The following TMEM94 variants were observed in gnomAD, a reference collection of about 807,000 sequenced individuals.
TMEM94 encodes ER Mg2+ ATPase.
A neutral mutation model predicts 158.6 loss-of-function variants in TMEM94; 81 were observed. The ratio of observed to expected loss-of-function variants is 0.51; its 90% CI spans 0.43 to 0.61. The LOEUF is 0.61. TMEM94 is among the 20% of genes least tolerant of loss of function. The pLI is 0.00. For missense variants in TMEM94, 1,435 were observed against 1,762.0 expected (o/e 0.81, Z 3.32); for synonymous variants, 751 against 730.7 (o/e 1.03, Z -0.45).
intron 2 of TMEM94, among the ~76,000 whole-genome samples, chr17:75,474,850 G>T (rs940819338): frequency 1.3e-5 from 2 of 152,026 alleles, no homozygotes; most frequent in Non-Finnish European, 2.9e-5. Context: ...CCCTGTCCCC[G>T]GTCCTCCAGC....
At chr17:75,488,336 G>A (rs2051810238) in intron 6 of TMEM94, among the ~76,000 whole-genome samples, 1 of 152,182 alleles carries the variant, frequency 6.6e-6, no homozygotes, top group Non-Finnish European at 1.5e-5. Context: ...GAGTGCAGTG[G>A]CACGATCTCA....
Position 75,492,974 on chromosome 17 carries a change from T to A in TMEM94, c.1958T>A (p.Leu653Gln), listed in dbSNP as rs757337831. 1.9e-6 allele frequency: 3 copies of A among 1,613,772 alleles called. No individual in the cohort carries two copies. In the South Asian group the frequency reaches 3.3e-5, roughly 18 times the overall value. The change falls in exon 16 of 32, where the codon CTG becomes CAG. Residue 653 changes from leucine to glutamine, a missense_variant. This residue lies in a region of TMEM94 where 1,051 missense variants were observed against 1,254.4 expected (regional missense o/e 0.84). Coordinates refer to ENST00000314256, the MANE Select transcript of TMEM94 (RefSeq NM_014738.6). This position sits in a 1 kb window ranked among gnomAD's most constrained non-coding sequence, Gnocchi z 4.4. Reference protein sequence around the residue: ...AKELFKQENHLALYRLPSAET... With the variant: ...AKELFKQENHQALYRLPSAET... ...GAGCTTTTCAAGCAGGAGAACCATC[T>A]GGCGCTGTACCGCCTCCCCAGTGCC...
chr17:75,465,679 A>ATATATATATATATATATATATATTTTTT (rs1247855961), intron 1 of TMEM94, among the ~76,000 whole-genome samples: 1 of 124,824 alleles, frequency 8.0e-6, no homozygotes, highest in Non-Finnish European at 1.6e-5. Flanking sequence ...ATATATATAT[A>ATATATATATATATATATATATATTTTTT]TTTTTTTTTA....
rs2053004538 is a variant in TMEM94 at position 75,498,772 on chromosome 17, C to G, written c.3827+50C>G. 1 of 1,531,704 alleles carries G rather than the reference C, an allele frequency of 6.5e-7. No homozygotes were observed. The highest frequency in any genetic ancestry group is 8.8e-7 in the Non-Finnish European group (1 of 1,138,054). 94.9% of individuals were successfully genotyped at this position (1,531,704 alleles called of 1,614,324 possible). On this transcript the variant is annotated intron_variant, in intron 30 of 31. Transcript: ENST00000314256. The surrounding 1 kb of genome is among the most constrained non-coding windows in gnomAD (Gnocchi z 6.7). ...GGAGTGTGGGCTGGGGAGGAGAGGG[C>G]CTTCTGCAGGGCTAGGATCGGAGGG...
chr17:75,476,544 T>C, intron 2 of TMEM94: 4 of 1,452,594 alleles, frequency 2.8e-6, no homozygotes, highest in Admixed American at 5.0e-5. Flanking sequence ...CCTGATTCTG[T>C]GCAGCACCCG....
chr17:75,499,825 G>A lies in TMEM94; in HGVS notation c.*491G>A, dbSNP rs772364029. On this transcript the variant is annotated 3_prime_UTR_variant, in exon 32 of 32. Coordinates refer to ENST00000314256, the MANE Select transcript of TMEM94 (RefSeq NM_014738.6). ...GTGGTGCTTGCCTGGATGTGGCCCC[G>A]AGTGCCTCCCCTCCCTCCCTCTGTG... The A allele has an allele frequency of 6.1e-4, 96 of 158,054 alleles. 1 individual carries two copies. Among genetic ancestry groups the A allele is most frequent in the Non-Finnish European group, 1.2e-3 (83 of 71,152 alleles). 9.8% of individuals were successfully genotyped at this position (158,054 alleles called of 1,614,324 possible).
intron 1 of TMEM94, among the ~76,000 whole-genome samples, chr17:75,459,171 G>A (rs1375505120): frequency 6.6e-6 from 1 of 152,004 alleles, no homozygotes; most frequent in Non-Finnish European, 1.5e-5. Context: ...AGTCTTAGCT[G>A]CTATGTTAGC....
Position 75,493,512 on chromosome 17 carries a change from A to T in TMEM94, c.2108A>T (p.His703Leu). 6.2e-7 allele frequency: 1 copy of T among 1,613,986 alleles called. No homozygotes were observed. The highest frequency in any genetic ancestry group is 8.5e-7 in the Non-Finnish European group (1 of 1,180,004). The part of the protein sequence containing the change: ...TTTSTEQMLS[H>L]GTADVVLEAC... ...CCAGGCACAGAGCAGATGCTGTCCC[A>T]TGGCACCGCTGATGTGGTCTTAGAG... The change falls in exon 17 of 32, where the codon CAT becomes CTT. Residue 703 changes from histidine to leucine, a missense_variant. Transcript: ENST00000314256.
intron 27 of TMEM94, 64 bp downstream of exon 27, chr17:75,497,926 G>A: frequency 6.8e-7 from 1 of 1,469,230 alleles, no homozygotes; most frequent in Non-Finnish European, 9.5e-7. Flanking sequence ...ATTGGGGGAG[G>A]AGAGAGGGGC....
At chr17:75,467,548 C>T (rs1377602321) in intron 1 of TMEM94, among the ~76,000 whole-genome samples, 7 of 110,866 alleles carry the variant, frequency 6.3e-5, no homozygotes, top group South Asian at 3.0e-4. Flanking sequence ...TTTTTTGAGA[C>T]GGAGTCTCGC....
In TMEM94 at chr17:75,491,847, T is replaced by A; in HGVS notation, c.1543T>A (p.Ser515Thr). The A allele has an allele frequency of 6.2e-7, 1 of 1,613,856 alleles. No homozygotes were observed. The highest frequency in any genetic ancestry group is 8.5e-7 in the Non-Finnish European group (1 of 1,179,960). Residue 515 changes from serine to threonine, a missense_variant, in exon 14 of 32, where the codon TCC (serine) becomes ACC (threonine). Physicochemically the swap from Ser to Thr is moderately conservative, Grantham distance 58 (BLOSUM62 1). Around this residue, in one of 3 missense-constraint regions of TMEM94, gnomAD observed 1,051 missense variants for 1,254.4 expected, o/e 0.84. Coordinates refer to ENST00000314256, the MANE Select transcript of TMEM94 (RefSeq NM_014738.6). This position sits in a 1 kb window ranked among gnomAD's most constrained non-coding sequence, Gnocchi z 5.1. ...AHGRSKHPSGSNVSFSRDTEG... is the reference protein window; with the variant it reads ...AHGRSKHPSGTNVSFSRDTEG... ...TGGCCGCAGCAAACACCCATCTGGC[T>A]CCAACGTGAGCTTCAGCAGGGACAC...
intron 18 of TMEM94, among the ~76,000 whole-genome samples, chr17:75,494,287 A>G (rs1230833208): frequency 2.6e-5 from 4 of 152,144 alleles, no homozygotes; most frequent in Non-Finnish European, 4.4e-5. Flanking sequence ...CAGAAGCTCC[A>G]CCACGCCACC....
chr17:75,482,524 A>ATATGTATGTATG (rs57220539), intron 2 of TMEM94, among the ~76,000 whole-genome samples: 3 of 145,092 alleles, frequency 2.1e-5, no homozygotes, highest in Non-Finnish European at 4.5e-5. Context: ...AAATATATAT[A>ATATGTATGTATG]TATGTATGTA....
chr17:75,488,224 T>C (rs2051795709), intron 6 of TMEM94, 90 bp downstream of exon 6: 2 of 1,295,508 alleles, frequency 1.5e-6, no homozygotes, highest in Admixed American at 1.8e-5. Flanking sequence ...TCCGGAAGCT[T>C]CCCGGCCAGC....
Position 75,481,874 on chromosome 17 carries a change from T to G in TMEM94, c.25-3554T>G, listed in dbSNP as rs905044997. On this transcript the variant is annotated intron_variant, in intron 2 of 31. Coordinates refer to ENST00000314256, the MANE Select transcript of TMEM94 (RefSeq NM_014738.6). Reference sequence around the variant, plus strand: ...CGCAGGTGGTCCTGGAAAGACTCACTTCTCCTTCAGGCGCTGCCTTTCATG... The same window carrying G: ...CGCAGGTGGTCCTGGAAAGACTCACGTCTCCTTCAGGCGCTGCCTTTCATG... 2.0e-5 allele frequency among the ~76,000 whole-genome samples: 3 copies of G among 152,334 alleles called. No individual in the cohort carries two copies. The East Asian group carries it at 5.8e-4, about 29-fold the overall frequency.
chr17:75,500,384 G>A lies in TMEM94; in HGVS notation c.*1050G>A, dbSNP rs1184436449. 1 of 152,514 alleles carries A rather than the reference G, an allele frequency of 6.6e-6. No homozygotes were observed. The highest frequency in any genetic ancestry group is 1.5e-5 in the Non-Finnish European group (1 of 68,268). The allele number at this position is 152,514 out of a possible 1,614,324, so 9.4% of individuals were successfully genotyped here. A position where few individuals can be genotyped will look rare whatever the true frequency, so the allele number is the denominator to read the frequency against. ...CAGGTGGGCAGTCGGGGCTCCTGCT[G>A]TGGTCCGAAGCCCCTCCCCCATTGT... On this transcript the variant is annotated 3_prime_UTR_variant, in exon 32 of 32. Transcript: ENST00000314256.
chr17:75,481,692 A>C (rs1567930963), intron 2 of TMEM94, among the ~76,000 whole-genome samples: 1 of 152,174 alleles, frequency 6.6e-6, no homozygotes, highest in Non-Finnish European at 1.5e-5. Flanking sequence ...GAGGGTGGGG[A>C]GAGCAGTGAG....
Position 75,495,631 on chromosome 17 carries a change from T to C in TMEM94, c.2932T>C (p.Cys978Arg), listed in dbSNP as rs1598431221. ...CCTGCTAGTGCCCCTTTTCACCGACTGCACCCCAGAGAGTGAGTGCTGTGG... is the reference window on the plus strand; with the variant it reads ...CCTGCTAGTGCCCCTTTTCACCGACCGCACCCCAGAGAGTGAGTGCTGTGG... ...VPLLVPLFTDCTPETMCEMIK... is the reference protein window; with the variant it reads ...VPLLVPLFTDRTPETMCEMIK... The change falls in exon 22 of 32, where the codon TGC becomes CGC. Residue 978 changes from cysteine (C) to arginine (R), a missense_variant. Cys to Arg is a radical substitution (Grantham distance 180). This residue lies in a region of TMEM94 where 49 missense variants were observed against 98.5 expected (regional missense o/e 0.50). Transcript: ENST00000314256. The surrounding 1 kb of genome is among the most constrained non-coding windows in gnomAD (Gnocchi z 5.6). The C allele has an allele frequency of 6.2e-7, 1 of 1,613,446 alleles. No individual in the cohort carries two copies. The highest frequency in any genetic ancestry group is 1.7e-4 in the Middle Eastern group (1 of 6,052).
At chr17:75,469,629 G>A (rs2050426385) in intron 1 of TMEM94, among the ~76,000 whole-genome samples, 1 of 149,572 alleles carries the variant, frequency 6.7e-6, no homozygotes, top group Admixed American at 6.7e-5. Context: ...GCAGGCGTGA[G>A]CCACTGTGCT....
Sources: gnomAD v4.1 joint callset for allele counts (sites outside exome capture counted in the v4.1 genomes callset) on GRCh38, gnomAD v4.1.1 for gene constraint, gnomAD v4.1.1 regional missense constraint, Gnocchi (gnomAD v3.1) non-coding constraint, MANE v1.5 for transcripts, NCBI Gene and HGNC (gene_info 2026-07-23, HGNC 2026-07-21) for gene names.